The following HMCN1 variants were observed in gnomAD, a reference collection of about 807,000 sequenced individuals.
The protein encoded by HMCN1 is hemicentin 1.
In HMCN1, 321 loss-of-function variants were observed where a neutral mutation model predicts 625.9. That is an observed-to-expected ratio of 0.51 (90% CI 0.47 to 0.56). The LOEUF is 0.56. Ranked by LOEUF, HMCN1 falls within the 20% of genes least tolerant of loss-of-function variation. The probability of loss-of-function intolerance (pLI) is 0.00; values close to 1 mark genes in which losing one functional copy is unlikely to be tolerated. For synonymous variants in HMCN1, 2,425 were observed against 2,417.6 expected, an observed-to-expected ratio of 1.00 and a Z score of -0.09; for missense variants, 6,588 against 6,887.3, an observed-to-expected ratio of 0.96 and a Z score of 1.54.
chr1:185,964,735 G>A (rs2102562951), intron 13 of HMCN1, among the ~76,000 whole-genome samples: 1 of 152,138 alleles, frequency 6.6e-6, no homozygotes, highest in South Asian at 2.1e-4. Context: ...TTCAGACGGA[G>A]GAATTAGCAA....
chr1:186,001,694 T>A lies in HMCN1; in HGVS notation c.4301T>A (p.Ile1434Asn). The A allele has an allele frequency of 1.2e-6, 2 of 1,612,522 alleles. No individual in the cohort carries two copies. Among genetic ancestry groups the A allele is most frequent in the Non-Finnish European group, 1.7e-6 (2 of 1,178,802 alleles). Reference sequence around the variant, plus strand: ...GCAGGAAGATATTCCTGCAAAGCAATTAATATTGCAGGCACTTCTCAGAAG... The same window carrying A: ...GCAGGAAGATATTCCTGCAAAGCAAATAATATTGCAGGCACTTCTCAGAAG... Reference protein sequence around the residue: ...EDAGRYSCKAINIAGTSQKYF... With the variant: ...EDAGRYSCKANNIAGTSQKYF... The change falls in exon 28 of 107, where the codon ATT becomes AAT. Residue 1434 changes from isoleucine (I) to asparagine (N), a missense_variant. Ile to Asn is a moderately radical substitution (Grantham distance 149). Coordinates refer to ENST00000271588, the MANE Select transcript of HMCN1 (RefSeq NM_031935.3).
At chr1:186,003,373 A>G (rs531648785) in intron 28 of HMCN1, among the ~76,000 whole-genome samples, 3 of 152,286 alleles carry the variant, frequency 2.0e-5, no homozygotes, top group Admixed American at 6.5e-5. Context: ...ATTGTCATTC[A>G]TTATCCAAAA....
At chr1:185,950,559 G>A (rs1668597360) in intron 11 of HMCN1, among the ~76,000 whole-genome samples, 1 of 151,796 alleles carries the variant, frequency 6.6e-6, no homozygotes, top group South Asian at 2.1e-4. Context: ...GGACACAATT[G>A]GCAGGGAGAG....
At chr1:185,746,494 T>A (rs1654409126) in intron 1 of HMCN1, among the ~76,000 whole-genome samples, 1 of 152,142 alleles carries the variant, frequency 6.6e-6, no homozygotes, top group Non-Finnish European at 1.5e-5. Context: ...CAACTTCTAG[T>A]GGTTTGCTGG....
intron 8 of HMCN1, among the ~76,000 whole-genome samples, chr1:185,923,951 A>G (rs1321506855): frequency 2.0e-5 from 3 of 152,216 alleles, no homozygotes; most frequent in African/African-American, 7.2e-5. Context: ...CCAGGCAGAT[A>G]TATTTGCTTA....
intron 35 of HMCN1, among the ~76,000 whole-genome samples, chr1:186,020,319 A>G (rs1210576594): frequency 6.6e-6 from 1 of 152,038 alleles, no homozygotes; most frequent in Non-Finnish European, 1.5e-5. Flanking sequence ...AATCAGAATT[A>G]ATAGATTTTG....
chr1:185,891,517 A>T (rs945782074), intron 4 of HMCN1, among the ~76,000 whole-genome samples: 1 of 147,204 alleles, frequency 6.8e-6, no homozygotes, highest in South Asian at 2.1e-4. Context: ...TCGTGACAAA[A>T]TCTCTCAGCA....
At chr1:186,185,403 AAGG>A (rs1338322115) in intron 105 of HMCN1, among the ~76,000 whole-genome samples, 1 of 152,216 alleles carries the variant, frequency 6.6e-6, no homozygotes, top group Non-Finnish European at 1.5e-5. Flanking sequence ...TTATTTTGTC[AAGG>A]AGATTAAGCC....
chr1:185,786,404 T>C (rs930877801), intron 1 of HMCN1, among the ~76,000 whole-genome samples: 1 of 152,240 alleles, frequency 6.6e-6, no homozygotes, highest in Non-Finnish European at 1.5e-5. Flanking sequence ...AGCTCATTAT[T>C]TGGCCAATAA....
Position 186,171,400 on chromosome 1 carries a change from T to G in HMCN1, c.15638T>G (p.Phe5213Cys). The G allele has an allele frequency of 6.2e-7, 1 of 1,613,586 alleles. No individual in the cohort carries two copies. Among genetic ancestry groups the G allele is most frequent in the Non-Finnish European group, 8.5e-7 (1 of 1,179,568 alleles). Residue 5213 changes from phenylalanine (F) to cysteine (C), a missense_variant, in exon 101 of 107, where the codon TTC becomes TGC. Phe to Cys is a radical substitution (Grantham distance 205, BLOSUM62 -2). This residue lies in a region of HMCN1 where 1,954 missense variants were observed against 2,013.1 expected (regional missense o/e 0.97). Transcript: ENST00000271588. ...HQRCFNAIGSFHCGCEPGYQL... is the reference protein window; with the variant it reads ...HQRCFNAIGSCHCGCEPGYQL... ...CGCTGTTTCAATGCCATAGGAAGTT[T>G]CCATTGTGGATGTGAACCTGGGTAT...
intron 30 of HMCN1, 51 bp downstream of exon 30, chr1:186,007,333 A>G (rs1335174918): frequency 1.3e-6 from 2 of 1,551,098 alleles, no homozygotes; most frequent in Non-Finnish European, 1.8e-6. Flanking sequence ...TTATAAGTTG[A>G]CAAGCAGGGT....
At chr1:185,857,909 T>C (rs1373231211) in intron 2 of HMCN1, among the ~76,000 whole-genome samples, 1 of 152,202 alleles carries the variant, frequency 6.6e-6, no homozygotes, top group Non-Finnish European at 1.5e-5. Context: ...CAATATTCTG[T>C]AGGTATCTAG....
chr1:186,065,198 A>G (rs929827871), intron 48 of HMCN1, 40 bp from the exon 49 acceptor site: 23 of 1,523,986 alleles, frequency 1.5e-5, no homozygotes, highest in Non-Finnish European at 2.0e-5. Flanking sequence ...CATTCTATAC[A>G]TGTAATTATT....
At chr1:185,757,751 A>G (rs898492722) in intron 1 of HMCN1, among the ~76,000 whole-genome samples, 3 of 152,182 alleles carry the variant, frequency 2.0e-5, no homozygotes, top group Non-Finnish European at 2.9e-5. Context: ...GGAAAATGCC[A>G]AAATATATTG....
At chr1:186,051,953 A>G (rs977239351) in intron 42 of HMCN1, among the ~76,000 whole-genome samples, 5 of 152,002 alleles carry the variant, frequency 3.3e-5, no homozygotes, top group Non-Finnish European at 7.4e-5. Context: ...GGGAAGGCCT[A>G]TGGTATGGCT....
chr1:185,911,439 C>A (rs1666415035), intron 5 of HMCN1, among the ~76,000 whole-genome samples: 1 of 152,032 alleles, frequency 6.6e-6, no homozygotes, highest in Admixed American at 6.6e-5. Context: ...ATGTTTTGAG[C>A]TATGGGTATA....
At position 186,041,055 on chromosome 1, in the gene HMCN1, A is replaced by G. The variant is rs1656171119; in HGVS notation, c.6223A>G (p.Ile2075Val). 1.9e-6 allele frequency: 3 copies of G among 1,612,284 alleles called. No individual in the cohort carries two copies. The South Asian group carries it at 3.3e-5, about 18-fold the overall frequency. ...GRILALTSAQ[I>V]SDTGRYTCVA... The stretch of plus-strand genomic sequence containing the variant: ...AATCCTAGCATTGACCAGTGCACAA[A>G]TCAGCGACACAGGAAGGTACACCTG... Residue 2075 changes from isoleucine to valine, a missense_variant, in exon 40 of 107, where the codon ATC becomes GTC. Transcript: ENST00000271588.
chr1:186,034,213 C>G (rs1226222991), intron 36 of HMCN1, among the ~76,000 whole-genome samples: 4 of 152,158 alleles, frequency 2.6e-5, no homozygotes, highest in South Asian at 2.1e-4. Flanking sequence ...AGGAAATGGC[C>G]TCTAGAAGTT....
At chr1:186,154,068 C>G in intron 97 of HMCN1, 81 bp downstream of exon 97, 1 of 1,079,580 alleles carries the variant, frequency 9.3e-7, no homozygotes, top group East Asian at 2.4e-5. Flanking sequence ...GACATTGAGG[C>G]CTACATCTAA....
Sources: allele counts gnomAD v4.1 joint callset (sites outside exome capture counted in the v4.1 genomes callset), GRCh38; gene constraint gnomAD v4.1.1; regional missense constraint gnomAD v4.1.1; transcripts MANE v1.5; gene names NCBI Gene and HGNC (gene_info 2026-07-23, HGNC 2026-07-21).